Variants in DERA observed in about 807,000 individuals in gnomAD.
The protein encoded by DERA is 2-deoxy-D-ribose 5-phosphate aldolase.
Under a neutral mutation model 41.1 loss-of-function variants are expected in DERA, and 15 were observed. That is an observed-to-expected ratio of 0.37 (90% CI 0.24 to 0.56). The LOEUF is 0.56. Ranked by LOEUF, DERA falls within the 20% of genes least tolerant of loss-of-function variation. DERA has a pLI of 0.81. For missense variants in DERA, 396 were observed against 403.4 expected, an observed-to-expected ratio of 0.98 and a Z score of 0.16; for synonymous variants, 139 against 137.4, an observed-to-expected ratio of 1.01 and a Z score of -0.08.
chr12:16,015,728 T>C (rs958395869), intron 6 of DERA, among the ~76,000 whole-genome samples: 14 of 152,202 alleles, frequency 9.2e-5, no homozygotes, highest in Non-Finnish European at 1.8e-4. Context: ...ATTATGGATG[T>C]CATATTTGGC....
chr12:15,941,530 A>G lies in DERA; in HGVS notation c.32-15406A>G, dbSNP rs1480074282. Among the ~76,000 whole-genome samples, 2 of 151,918 alleles carry G rather than the reference A, an allele frequency of 1.3e-5. No individual in the cohort carries two copies. The highest frequency in any genetic ancestry group is 4.8e-5 in the African/African-American group (2 of 41,326). ...AGTCTTTTATTCCTCACCCCTCCCT[A>G]TTCTCTCCCGCTGAATCCTCAGAGT... is the stretch of plus-strand genomic sequence containing the variant. On this transcript the variant is annotated intron_variant, in intron 1 of 8. Transcript: ENST00000428559. The surrounding 1 kb of genome is among the most constrained non-coding windows in gnomAD (Gnocchi z 4.5).
intron 1 of DERA, among the ~76,000 whole-genome samples, chr12:15,939,276 T>G (rs1266942424): frequency 1.3e-5 from 2 of 152,172 alleles, no homozygotes; most frequent in Non-Finnish European, 2.9e-5. Flanking sequence ...CATCTGAGTT[T>G]AGCCACACAA....
intron 6 of DERA, among the ~76,000 whole-genome samples, chr12:16,006,829 G>A (rs1366364951): frequency 6.6e-6 from 1 of 152,224 alleles, no homozygotes; most frequent in Non-Finnish European, 1.5e-5. Context: ...GCTAGGAAAT[G>A]TAAGCCTGTA....
intron 6 of DERA, among the ~76,000 whole-genome samples, chr12:16,007,124 AACTT>A (rs1055406513): frequency 6.6e-6 from 1 of 152,018 alleles, no homozygotes; most frequent in African/African-American, 2.4e-5. Context: ...GTCATTGTAA[AACTT>A]AGTTATGTTC....
intron 1 of DERA, among the ~76,000 whole-genome samples, chr12:15,917,514 G>A (rs1330696947): frequency 6.6e-6 from 1 of 152,042 alleles, no homozygotes; most frequent in African/African-American, 2.4e-5. Context: ...AATTCTCCCA[G>A]GAATCCATTG....
Position 16,010,861 on chromosome 12 carries a change from G to C in DERA, c.638-21681G>C, listed in dbSNP as rs973502386. On this transcript the variant is annotated intron_variant, in intron 6 of 8. Coordinates refer to ENST00000428559, the MANE Select transcript of DERA (RefSeq NM_015954.4). This position sits in a 1 kb window ranked among gnomAD's most constrained non-coding sequence, Gnocchi z 5.5. The stretch of plus-strand genomic sequence containing the variant: ...ACACAACTTCTTTTATGAAAGACAG[G>C]TCACTGTAAAAAGAAACTCTACCCA... 3.3e-5 allele frequency among the ~76,000 whole-genome samples: 5 copies of C among 151,962 alleles called. No homozygotes were observed. The highest frequency in any genetic ancestry group is 1.2e-4 in the African/African-American group (5 of 41,380).
At chr12:16,029,951 C>T in intron 6 of DERA, among the ~76,000 whole-genome samples, 1 of 97,632 alleles carries the variant, frequency 1.0e-5, no homozygotes, top group Non-Finnish European at 1.9e-5. Context: ...GAGATGGAGT[C>T]TCACTCTGTT....
rs1017590530 is a variant in DERA, at chr12:16,019,026, T to C, written c.638-13516T>C. ...GCTGAGCAGAGGTAAGCTTGGCTAA[T>C]GTTAGATTTATGTGAGCTCTGAAGA... On this transcript the variant is annotated intron_variant, in intron 6 of 8. Transcript: ENST00000428559. This position sits in a 1 kb window ranked among gnomAD's most constrained non-coding sequence, Gnocchi z 4.4. Among the ~76,000 whole-genome samples, 6 of 152,170 alleles carry C rather than the reference T, an allele frequency of 3.9e-5. No homozygotes were observed. Among genetic ancestry groups the C allele is most frequent in the African/African-American group, 1.4e-4 (6 of 41,450 alleles).
chr12:15,986,164 A>C lies in DERA; in HGVS notation c.637+3728A>C, dbSNP rs181218173. Reference sequence around the variant, plus strand: ...CTAATGATGTTCATCTGGCCACACCAGCTTTCTTGTGTTTAATACTTGCAT... The same window carrying C: ...CTAATGATGTTCATCTGGCCACACCCGCTTTCTTGTGTTTAATACTTGCAT... On this transcript the variant is annotated intron_variant, in intron 6 of 8. Transcript: ENST00000428559. Among the ~76,000 whole-genome samples the C allele has an allele frequency of 3.6e-3, 547 of 152,196 alleles. 4 individuals carry two copies. The highest frequency in any genetic ancestry group is 0.012 in the African/African-American group (516 of 41,556).
intron 1 of DERA, among the ~76,000 whole-genome samples, chr12:15,923,384 G>A (rs1236672824): frequency 6.6e-6 from 1 of 152,166 alleles, no homozygotes; most frequent in African/African-American, 2.4e-5. Context: ...GAACTTCATT[G>A]AGTCTTCTGA....
At chr12:15,912,982 T>C (rs73303347) in intron 1 of DERA, among the ~76,000 whole-genome samples, 8,353 of 152,254 alleles carry the variant, frequency 0.055, 777 homozygotes, top group African/African-American at 0.19. Flanking sequence ...ATTTCTTAGA[T>C]TGGAATATCC....
rs1463018627 is a variant in DERA, at chr12:15,944,955, C to CATATGT, written c.32-11980_32-11979insTATGTA. Among the ~76,000 whole-genome samples, 7 of 152,272 alleles carry CATATGT rather than the reference C, an allele frequency of 4.6e-5. No homozygotes were observed. The East Asian group carries it at 1.3e-3, about 29-fold the overall frequency. Reference sequence around the variant, plus strand: ...TTTCAGCTTTCTACATATGGCTAGCCAGTTTTGCCAGCATCATTTGTTAAA... The same window carrying CATATGT: ...TTTCAGCTTTCTACATATGGCTAGCCATATGTAGTTTTGCCAGCATCATTTGTTAAA... On this transcript the variant is annotated intron_variant, in intron 1 of 8. Transcript: ENST00000428559.
chr12:16,027,134 A>G (rs1463445569), intron 6 of DERA, among the ~76,000 whole-genome samples: 1 of 152,164 alleles, frequency 6.6e-6, no homozygotes, highest in African/African-American at 2.4e-5. Flanking sequence ...ATAGAGGGAA[A>G]TATCTTCAAC....
rs1948831944 is a variant in DERA at position 15,995,651 on chromosome 12, A to C, written c.637+13215A>C. Among the ~76,000 whole-genome samples, 1 of 152,130 alleles carries C rather than the reference A, an allele frequency of 6.6e-6. No individual in the cohort carries two copies. The highest frequency in any genetic ancestry group is 2.4e-5 in the African/African-American group (1 of 41,426). On this transcript the variant is annotated intron_variant, in intron 6 of 8. Transcript: ENST00000428559. The surrounding 1 kb of genome is among the most constrained non-coding windows in gnomAD (Gnocchi z 5.1). The stretch of plus-strand genomic sequence containing the variant: ...TAAAGCTGAAGGCAGTCTGAAAATG[A>C]AGGAATAGAGTAGGGAGGATGGAGG...
chr12:15,943,411 G>A lies in DERA; in HGVS notation c.32-13525G>A, dbSNP rs183052936. Among the ~76,000 whole-genome samples, 1 of 152,196 alleles carries A rather than the reference G, an allele frequency of 6.6e-6. No individual in the cohort carries two copies. Among genetic ancestry groups the A allele is most frequent in the Non-Finnish European group, 1.5e-5 (1 of 68,044 alleles). ...ACTTGACTTTCGCACCACAGCCAGAGGGGTTATTTAAAAATGTAAATCAGA... is the reference window on the plus strand; with the variant it reads ...ACTTGACTTTCGCACCACAGCCAGAAGGGTTATTTAAAAATGTAAATCAGA... On this transcript the variant is annotated intron_variant, in intron 1 of 8. Coordinates refer to ENST00000428559, the MANE Select transcript of DERA (RefSeq NM_015954.4). The surrounding 1 kb of genome is among the most constrained non-coding windows in gnomAD (Gnocchi z 4.5).
rs541252636 is a variant in DERA, at chr12:15,990,187, C to T, written c.637+7751C>T. ...AGGCATTATTTAGAGCATAACCCTT[C>T]AAAACCATTTGGTGTAGCTGTAGGG... On this transcript the variant is annotated intron_variant, in intron 6 of 8. Transcript: ENST00000428559. This position sits in a 1 kb window ranked among gnomAD's most constrained non-coding sequence, Gnocchi z 4.3. 3.1e-3 allele frequency among the ~76,000 whole-genome samples: 475 copies of T among 152,200 alleles called. 3 individuals carry two copies. The highest frequency in any genetic ancestry group is 0.01 in the Middle Eastern group (3 of 294).
rs1181788562 is a variant in DERA, at chr12:16,035,415, C to G, written c.751-817C>G. 2.6e-5 allele frequency among the ~76,000 whole-genome samples: 4 copies of G among 152,158 alleles called. No individual in the cohort carries two copies. Among genetic ancestry groups the G allele is most frequent in the Admixed American group, 2.6e-4 (4 of 15,266 alleles). On this transcript the variant is annotated intron_variant, in intron 7 of 8. Transcript: ENST00000428559. The surrounding 1 kb of genome is among the most constrained non-coding windows in gnomAD (Gnocchi z 4.1). ...TTTTGACCACTACCATCTACAGATTCCCAACTCTACTGGATAGTCAGGTTC... is the reference window on the plus strand; with the variant it reads ...TTTTGACCACTACCATCTACAGATTGCCAACTCTACTGGATAGTCAGGTTC...
In DERA at chr12:16,037,064, T is replaced by G. The variant is rs905376177; in HGVS notation, c.*318T>G. 9 of 265,656 alleles carry G rather than the reference T, an allele frequency of 3.4e-5. No individual in the cohort carries two copies. Among genetic ancestry groups the G allele is most frequent in the Non-Finnish European group, 4.9e-5 (7 of 142,374 alleles). 16.5% of individuals were successfully genotyped at this position (265,656 alleles called of 1,614,324 possible). On this transcript the variant is annotated 3_prime_UTR_variant, in exon 9 of 9. Coordinates refer to ENST00000428559, the MANE Select transcript of DERA (RefSeq NM_015954.4). The surrounding 1 kb of genome is among the most constrained non-coding windows in gnomAD (Gnocchi z 6.7). Reference sequence around the variant, plus strand: ...AATTCTAAGGGAGAAAAAAACAATATTAAACCGCCCAAGCAGTGTGCCCTA... The same window carrying G: ...AATTCTAAGGGAGAAAAAAACAATAGTAAACCGCCCAAGCAGTGTGCCCTA...
Position 16,003,684 on chromosome 12 carries a change from G to A in DERA, c.637+21248G>A, listed in dbSNP as rs1314059588. The stretch of plus-strand genomic sequence containing the variant: ...GTGAGTTTGCATTTGTTGGGGGAGC[G>A]CCAGGAAACAAGAGTGTCAATTTCT... On this transcript the variant is annotated intron_variant, in intron 6 of 8. Coordinates refer to ENST00000428559, the MANE Select transcript of DERA (RefSeq NM_015954.4). The surrounding 1 kb of genome is among the most constrained non-coding windows in gnomAD (Gnocchi z 4.8). Among the ~76,000 whole-genome samples the A allele has an allele frequency of 1.3e-5, 2 of 152,054 alleles. No individual in the cohort carries two copies. The highest frequency in any genetic ancestry group is 1.5e-5 in the Non-Finnish European group (1 of 68,016).
Sources: gnomAD v4.1 joint callset for allele counts (sites outside exome capture counted in the v4.1 genomes callset) on GRCh38, gnomAD v4.1.1 for gene constraint, Gnocchi (gnomAD v3.1) non-coding constraint, MANE v1.5 for transcripts, NCBI Gene and HGNC (gene_info 2026-07-23, HGNC 2026-07-21) for gene names.